The following PHLDB3 variants were observed in gnomAD, a reference collection of about 807,000 sequenced individuals.
The protein encoded by PHLDB3 is pleckstrin homology like domain family B member 3.
Under a neutral mutation model 85.7 loss-of-function variants are expected in PHLDB3, and 86 were observed. The ratio of observed to expected loss-of-function variants is 1.00; its 90% CI spans 0.84 to 1.20. The LOEUF is 1.20. Among genes scored for constraint, PHLDB3 ranks in the 50% most tolerant of loss-of-function variants. The pLI, the probability that PHLDB3 is intolerant of heterozygous loss-of-function variation, is 0.00. For missense variants in PHLDB3, 995 were observed against 873.0 expected (o/e 1.14, Z -1.76); for synonymous variants, 376 against 349.8 (o/e 1.07, Z -0.83).
chr19:43,494,701 C>T lies in PHLDB3; in HGVS notation c.1149+1G>A, dbSNP rs1228959762. On this transcript the variant is annotated splice_donor_variant, in intron 9 of 15. Coordinates refer to ENST00000292140, the MANE Select transcript of PHLDB3 (RefSeq NM_198850.4). LOFTEE classifies it high-confidence loss of function. The stretch of plus-strand genomic sequence containing the variant: ...GGAAACAGAGGCCGTGGGGGAGGCA[C>T]CTGCAGGGAGCTGTGGACAGAAAAG... The T allele has an allele frequency of 8.1e-6, 13 of 1,607,670 alleles. No individual in the cohort carries two copies. The highest frequency in any genetic ancestry group is 3.4e-5 in the Admixed American group (2 of 59,372).
intron 9 of PHLDB3, 139 bp from the exon 10 acceptor site, chr19:43,487,262 A>AG: frequency 1.4e-6 from 1 of 705,510 alleles, no homozygotes; most frequent in Non-Finnish European, 2.4e-6. Context: ...AGGACCTCAC[A>AG]GGGGTATGAT....
Position 43,503,944 on chromosome 19 carries a change from C to A in PHLDB3, c.175G>T (p.Val59Leu), listed in dbSNP as rs1166364213. 1.2e-6 allele frequency: 2 copies of A among 1,613,296 alleles called. No individual in the cohort carries two copies. The highest frequency in any genetic ancestry group is 4.5e-5 in the East Asian group (2 of 44,874). The change falls in exon 2 of 16, where the codon GTG becomes TTG. Residue 59 changes from valine (V) to leucine (L), a missense_variant. Val to Leu is a conservative substitution (Grantham distance 32). Coordinates refer to ENST00000292140, the MANE Select transcript of PHLDB3 (RefSeq NM_198850.4). ...CTCTCAGTGCTGCTGCCTTCTCCCA[C>A]TTCTTCTTCCTCTGCCTGCTGCTCA... ...GAEQQAEEEE[V>L]GEGSSTESSR... is the part of the protein sequence containing the mutation.
chr19:43,490,099 T>C (rs1215954537), intron 9 of PHLDB3, among the ~76,000 whole-genome samples: 1 of 150,598 alleles, frequency 6.6e-6, no homozygotes, highest in Non-Finnish European at 1.5e-5. Flanking sequence ...GGGAAAAACA[T>C]TGGTGGAACA....
chr19:43,488,265 G>A (rs1400673397), intron 9 of PHLDB3, among the ~76,000 whole-genome samples: 2 of 151,966 alleles, frequency 1.3e-5, no homozygotes, highest in African/African-American at 4.8e-5. Flanking sequence ...AGATGAGCCT[G>A]GGCAACATGG....
At chr19:43,476,118 T>C (rs185769668) in intron 15 of PHLDB3, among the ~76,000 whole-genome samples, 10 of 152,298 alleles carry the variant, frequency 6.6e-5, no homozygotes, top group Non-Finnish European at 1.5e-4. Context: ...GTAGGACTTA[T>C]GACGCCTTCT....
chr19:43,481,184 TTAGAAAAC>T (rs1329008219), intron 13 of PHLDB3, among the ~76,000 whole-genome samples: 1 of 151,840 alleles, frequency 6.6e-6, no homozygotes, highest in Non-Finnish European at 1.5e-5. Context: ...TGTCAAGGAG[TTAGAAAAC>T]TGAAGCAGGA....
intron 9 of PHLDB3, among the ~76,000 whole-genome samples, chr19:43,491,056 G>T (rs536299319): frequency 5.3e-5 from 8 of 152,172 alleles, no homozygotes; most frequent in Non-Finnish European, 1.0e-4. Flanking sequence ...GGTGCACCTG[G>T]GCTTAGAGGC....
intron 13 of PHLDB3, among the ~76,000 whole-genome samples, chr19:43,484,839 G>A (rs1359843152): frequency 6.6e-6 from 1 of 152,062 alleles, no homozygotes; most frequent in Admixed American, 6.6e-5. Flanking sequence ...AAAATTGGTG[G>A]CTGGGCACCA....
intron 4 of PHLDB3, among the ~76,000 whole-genome samples, chr19:43,500,895 G>GGCCCCCCCCCCCCCTCCCCC (rs1971570922): frequency 3.0e-5 from 1 of 33,558 alleles, no homozygotes; most frequent in Non-Finnish European, 5.3e-5. Context: ...CTCCCACTTT[G>GGCCCCCCCCCCCCCTCCCCC]CCCCGCCCCC....
chr19:43,486,619 A>T lies in PHLDB3; in HGVS notation c.1418T>A (p.Leu473His). The change falls in exon 12 of 16, where the codon CTC (leucine) becomes CAC (histidine). Residue 473 changes from leucine to histidine, a missense_variant. By Grantham distance (99) the Leu-to-His change is moderately conservative. Transcript: ENST00000292140. ...GGCCTGGGCTCTCACCCGGGCCTTG[A>T]GCAGCCGCTCCCTCTCCGCCATGGC... ...QQAMAERERLLKAREGTRRGT... is the reference protein window; with the variant it reads ...QQAMAERERLHKAREGTRRGT... 6.2e-7 allele frequency: 1 copy of T among 1,613,174 alleles called. No homozygotes were observed. The highest frequency in any genetic ancestry group is 8.5e-7 in the Non-Finnish European group (1 of 1,179,694).
chr19:43,501,500 A>T, intron 4 of PHLDB3: 2 of 762,942 alleles, frequency 2.6e-6, no homozygotes, highest in Non-Finnish European at 4.0e-6. Context: ...GGAAGTTTTT[A>T]CACACCCACA....
intron 13 of PHLDB3, among the ~76,000 whole-genome samples, chr19:43,485,068 T>TA (rs1293367630): frequency 2.0e-5 from 3 of 151,662 alleles, no homozygotes; most frequent in Admixed American, 2.0e-4. Context: ...ATACACAAAT[T>TA]AAAATGTTAA....
chr19:43,476,575 A>C (rs1970932388), intron 15 of PHLDB3, among the ~76,000 whole-genome samples: 1 of 152,062 alleles, frequency 6.6e-6, no homozygotes, highest in African/African-American at 2.4e-5. Flanking sequence ...AGGCAGGAGG[A>C]TTGCTTGAGC....
chr19:43,495,992 G>C (rs1050576387), intron 6 of PHLDB3: 3 of 185,512 alleles, frequency 1.6e-5, no homozygotes, highest in African/African-American at 7.0e-5. Flanking sequence ...GAAGCAGGTG[G>C]GGAAAGGAGA....
chr19:43,497,965 G>A (rs747184508), intron 4 of PHLDB3, 89 bp from the exon 5 acceptor site: 52 of 1,498,500 alleles, frequency 3.5e-5, no homozygotes, highest in Admixed American at 2.0e-4. Flanking sequence ...CTGGGGTGTC[G>A]GCTGTACAAA....
rs865937038 is a variant in PHLDB3, at chr19:43,479,433, C to A, written c.1646G>T (p.Trp549Leu). Reference protein sequence around the residue: ...LVKMGGRIKTWRKRWFCFDRQ... With the variant: ...LVKMGGRIKTLRKRWFCFDRQ... ...GTCAAAGCAGAACCATCGCTTCCTCCAGGTCTTGATGCGGCCGCCCATCTT... is the reference window on the plus strand; with the variant it reads ...GTCAAAGCAGAACCATCGCTTCCTCAAGGTCTTGATGCGGCCGCCCATCTT... The change falls in exon 14 of 16, where the codon TGG becomes TTG. Residue 549 changes from tryptophan (W) to leucine (L), a missense_variant. Coordinates refer to ENST00000292140, the MANE Select transcript of PHLDB3 (RefSeq NM_198850.4). 6.4e-7 allele frequency: 1 copy of A among 1,567,854 alleles called. No individual in the cohort carries two copies. Among genetic ancestry groups the A allele is most frequent in the Admixed American group, 1.9e-5 (1 of 53,148 alleles).
chr19:43,503,821 T>C (rs1971677851), intron 2 of PHLDB3, 85 bp downstream of exon 2: 21 of 1,503,226 alleles, frequency 1.4e-5, no homozygotes, highest in Non-Finnish European at 1.7e-5. Context: ...CTTTCTGGTT[T>C]CCCTCTACCT....
At chr19:43,502,644 G>A (rs546373276) in intron 2 of PHLDB3, among the ~76,000 whole-genome samples, 2 of 142,118 alleles carry the variant, frequency 1.4e-5, no homozygotes, top group African/African-American at 2.7e-5. Flanking sequence ...TTGGCAGAGA[G>A]GGGGCGATGC....
chr19:43,475,383 G>A lies in PHLDB3; in HGVS notation c.*27C>T, dbSNP rs779175795. Reference sequence around the variant, plus strand: ...CCCCGCGCCGGCGGAGCCTCGAAGGGACTTCCCCCCAAGAGGGCGGGGCCA... The same window carrying A: ...CCCCGCGCCGGCGGAGCCTCGAAGGAACTTCCCCCCAAGAGGGCGGGGCCA... On this transcript the variant is annotated 3_prime_UTR_variant, in exon 16 of 16. Transcript: ENST00000292140. The A allele has an allele frequency of 1.9e-6, 3 of 1,611,082 alleles. No homozygotes were observed. The highest frequency in any genetic ancestry group is 2.5e-6 in the Non-Finnish European group (3 of 1,177,938).
Sources: allele counts gnomAD v4.1 joint callset (sites outside exome capture counted in the v4.1 genomes callset), GRCh38; gene constraint gnomAD v4.1.1; transcripts MANE v1.5; gene names NCBI Gene and HGNC (gene_info 2026-07-23, HGNC 2026-07-21).